SGCZ: variants seen among roughly 807,000 people sequenced by gnomAD.
SGCZ encodes the protein zeta-sarcoglycan.
Under a neutral mutation model 41.3 loss-of-function variants are expected in SGCZ, and 40 were observed. The ratio of observed to expected loss-of-function variants is 0.97; its 90% CI spans 0.75 to 1.26. SGCZ has a LOEUF of 1.26. Among genes scored for constraint, SGCZ ranks in the 50% most tolerant of loss-of-function variants. The pLI is 0.00. For synonymous variants in SGCZ, 206 were observed against 137.5 expected, an observed-to-expected ratio of 1.50 and a Z score of -3.49; for missense variants, 552 against 369.8, an observed-to-expected ratio of 1.49 and a Z score of -4.04.
At chr8:15,229,556 A>C (rs73524833) in intron 1 of SGCZ, among the ~76,000 whole-genome samples, 14,544 of 152,244 alleles carry the variant, frequency 0.096, 891 homozygotes, top group African/African-American at 0.18. Context: ...AGTAGTAAGA[A>C]GAGATAGAAT....
In SGCZ at chr8:14,325,739, CACACACACATATATATAT is replaced by C. The variant is rs1263739046; in HGVS notation, c.235-1553_235-1536del. ...CTGTATACACACACACACACACACACACACACACATATATATATATATATATATATATATATATATATA... is the reference window on the plus strand; with the variant it reads ...CTGTATACACACACACACACACACACATATATATATATATATATATATATA... On this transcript the variant is annotated intron_variant, in intron 2 of 7. Coordinates refer to ENST00000382080, the MANE Select transcript of SGCZ (RefSeq NM_139167.4). 7.2e-4 allele frequency among the ~76,000 whole-genome samples: 23 copies of C among 32,126 alleles called. No individual in the cohort carries two copies. The South Asian group carries it at 0.027, about 38-fold the overall frequency. 21.1% of individuals were successfully genotyped at this position (32,126 alleles called of 152,430 possible). A position where few individuals can be genotyped will look rare whatever the true frequency, so the allele number is the denominator to read the frequency against.
At chr8:14,511,488 A>T (rs1802467034) in intron 2 of SGCZ, among the ~76,000 whole-genome samples, 1 of 152,094 alleles carries the variant, frequency 6.6e-6, no homozygotes, top group South Asian at 2.1e-4. Flanking sequence ...CAAATGTGGT[A>T]CAATGCCAAA....
At chr8:14,427,587 A>AC (rs1001040825) in intron 2 of SGCZ, among the ~76,000 whole-genome samples, 32 of 151,982 alleles carry the variant, frequency 2.1e-4, no homozygotes, top group African/African-American at 7.2e-4. Context: ...ACCCTACTAG[A>AC]CCCCTCCATC....
intron 2 of SGCZ, among the ~76,000 whole-genome samples, chr8:14,530,907 T>C (rs1383172005): frequency 6.6e-6 from 1 of 152,008 alleles, no homozygotes; most frequent in African/African-American, 2.4e-5. Context: ...TTGATCATAA[T>C]AGGTAAGTGA....
intron 2 of SGCZ, among the ~76,000 whole-genome samples, chr8:14,394,134 G>GCAC (rs1554511262): frequency 2.3e-5 from 3 of 128,782 alleles, no homozygotes; most frequent in African/African-American, 1.0e-4. Context: ...CTGCCCTACC[G>GCAC]CCCCCCACCT....
At chr8:14,680,423 T>A (rs1585177471) in intron 1 of SGCZ, among the ~76,000 whole-genome samples, 1 of 152,232 alleles carries the variant, frequency 6.6e-6, no homozygotes, top group East Asian at 1.9e-4. Flanking sequence ...ATGTTTACAA[T>A]GGGGAAACTA....
rs537049368 is a variant in SGCZ, at chr8:14,967,148, A to G, written c.39+270437T>C. The stretch of plus-strand genomic sequence containing the variant: ...ATAATTACTCATAGCATCCAGTGTC[A>G]TACAGTAGCATACCTAAAACTGTAA... On this transcript the variant is annotated intron_variant, in intron 1 of 7. Coordinates refer to ENST00000382080, the MANE Select transcript of SGCZ (RefSeq NM_139167.4). Among the ~76,000 whole-genome samples, 3 of 152,318 alleles carry G rather than the reference A, an allele frequency of 2.0e-5. No individual in the cohort carries two copies. The East Asian group carries it at 5.8e-4, about 29-fold the overall frequency.
At chr8:14,692,861 C>A (rs1311933627) in intron 1 of SGCZ, among the ~76,000 whole-genome samples, 1 of 152,150 alleles carries the variant, frequency 6.6e-6, no homozygotes, top group African/African-American at 2.4e-5. Context: ...CTTCAATTTT[C>A]TGATTTCACT....
chr8:14,949,223 G>A (rs954260273), intron 1 of SGCZ, among the ~76,000 whole-genome samples: 1 of 152,146 alleles, frequency 6.6e-6, no homozygotes, highest in Non-Finnish European at 1.5e-5. Flanking sequence ...CGAGATGGTA[G>A]TACGGCAATG....
chr8:14,441,547 C>G (rs976206679), intron 2 of SGCZ, among the ~76,000 whole-genome samples: 2 of 152,030 alleles, frequency 1.3e-5, no homozygotes, highest in African/African-American at 4.8e-5. Flanking sequence ...TGCACTCCAG[C>G]CTGGTGATAG....
intron 1 of SGCZ, among the ~76,000 whole-genome samples, chr8:14,742,637 C>T (rs888109727): frequency 3.9e-5 from 6 of 152,008 alleles, no homozygotes; most frequent in African/African-American, 1.4e-4. Flanking sequence ...CCCAGATAAT[C>T]TTATTCATCC....
chr8:15,095,602 T>TA (rs1806317285), intron 1 of SGCZ, among the ~76,000 whole-genome samples: 1 of 152,168 alleles, frequency 6.6e-6, no homozygotes, highest in African/African-American at 2.4e-5. Flanking sequence ...GATTTTTTTT[T>TA]ATGGAAAAGA....
chr8:14,945,288 A>G (rs1304655579), intron 1 of SGCZ, among the ~76,000 whole-genome samples: 1 of 152,152 alleles, frequency 6.6e-6, no homozygotes, highest in Non-Finnish European at 1.5e-5. Flanking sequence ...TCAAATTTGC[A>G]TTATGATCTT....
At chr8:14,678,398 A>G (rs1808340694) in intron 1 of SGCZ, among the ~76,000 whole-genome samples, 1 of 152,204 alleles carries the variant, frequency 6.6e-6, no homozygotes, top group Non-Finnish European at 1.5e-5. Context: ...CACTTCACCA[A>G]AGAAGATGTA....
chr8:14,168,076 G>A (rs77123919), intron 4 of SGCZ, among the ~76,000 whole-genome samples: 1 of 152,100 alleles, frequency 6.6e-6, no homozygotes, highest in Non-Finnish European at 1.5e-5. Context: ...AACTTGTCAT[G>A]ATCATCCTTT....
intron 2 of SGCZ, among the ~76,000 whole-genome samples, chr8:14,553,066 G>C (rs1398550992): frequency 1.3e-5 from 2 of 151,960 alleles, no homozygotes; most frequent in East Asian, 3.9e-4. Flanking sequence ...CTGATAGTCT[G>C]GTTGCTATTT....
At chr8:14,730,860 T>A (rs139930884) in intron 1 of SGCZ, among the ~76,000 whole-genome samples, 1 of 151,818 alleles carries the variant, frequency 6.6e-6, no homozygotes, top group African/African-American at 2.4e-5. Flanking sequence ...CCAGTTAGAA[T>A]GGCGATCAAT....
At chr8:14,763,988 A>C (rs1344913699) in intron 1 of SGCZ, among the ~76,000 whole-genome samples, 1 of 152,156 alleles carries the variant, frequency 6.6e-6, no homozygotes, top group Non-Finnish European at 1.5e-5. Context: ...TTCAGATGGG[A>C]GTTTCTAAAT....
intron 1 of SGCZ, among the ~76,000 whole-genome samples, chr8:14,972,981 C>T (rs190738776): frequency 6.6e-6 from 1 of 152,260 alleles, no homozygotes; most frequent in East Asian, 1.9e-4. Flanking sequence ...CATGTTCCTT[C>T]CTCCTTCTTT....
Sources: allele counts gnomAD v4.1 joint callset (sites outside exome capture counted in the v4.1 genomes callset), GRCh38; gene constraint gnomAD v4.1.1; transcripts MANE v1.5; gene names NCBI Gene and HGNC (gene_info 2026-07-23, HGNC 2026-07-21).